TNFSF4: variants seen among roughly 807,000 people sequenced by gnomAD.
The protein encoded by TNFSF4 is TNF superfamily member 4.
In TNFSF4, 4 loss-of-function variants were observed where a neutral mutation model predicts 7.3. The observed-to-expected ratio is 0.55, with a 90% CI of 0.27 to 1.25. TNFSF4 has a LOEUF of 1.25. Ranked by LOEUF, TNFSF4 falls within the 50% of genes most tolerant of loss-of-function variation. The pLI is 0.12. For synonymous variants in TNFSF4, 76 were observed against 83.7 expected (o/e 0.91, Z 0.50); for missense variants, 181 against 208.8 (o/e 0.87, Z 0.82).
At chr1:173,204,918 C>A (rs1049208121) in intron 1 of TNFSF4, among the ~76,000 whole-genome samples, 3 of 138,322 alleles carry the variant, frequency 2.2e-5, no homozygotes, top group African/African-American at 9.8e-5. Context: ...CACACACACA[C>A]ACACAAACAC....
At chr1:173,324,056 A>G in the TNFSF4 span, among the ~76,000 whole-genome samples, 1 of 152,176 alleles carries the variant, frequency 6.6e-6, no homozygotes, top group African/African-American at 2.4e-5. Flanking sequence ...AAGACACATA[A>G]TTGTCGGATT....
the TNFSF4 span, among the ~76,000 whole-genome samples, chr1:173,355,012 C>G: frequency 1.3e-5 from 2 of 152,210 alleles, no homozygotes; most frequent in African/African-American, 4.8e-5. Flanking sequence ...AAAACCTATG[C>G]GTAGTTGGGA....
the TNFSF4 span, chr1:173,351,742 G>T: frequency 2.0e-6 from 1 of 493,846 alleles, no homozygotes; most frequent in Non-Finnish European, 3.6e-6. Context: ...CAGGTTGTAC[G>T]AGTACGAGGA....
chr1:173,205,996 C>T (rs1650171040), intron 1 of TNFSF4, among the ~76,000 whole-genome samples: 1 of 152,220 alleles, frequency 6.6e-6, no homozygotes, highest in Admixed American at 6.5e-5. Flanking sequence ...AACCCTATTT[C>T]CTGTAGGCAG....
At chr1:173,387,506 A>G in the TNFSF4 span, among the ~76,000 whole-genome samples, 1 of 152,330 alleles carries the variant, frequency 6.6e-6, no homozygotes, top group Middle Eastern at 3.4e-3. Flanking sequence ...TAAGCTATCT[A>G]GTCATAGGTA....
At chr1:173,318,208 A>G in the TNFSF4 span, among the ~76,000 whole-genome samples, 1 of 152,186 alleles carries the variant, frequency 6.6e-6, no homozygotes, top group Non-Finnish European at 1.5e-5. Context: ...TGGGAGGCCA[A>G]GGGGGGTGGA....
At chr1:173,279,012 G>A in the TNFSF4 span, among the ~76,000 whole-genome samples, 1 of 152,036 alleles carries the variant, frequency 6.6e-6, no homozygotes, top group African/African-American at 2.4e-5. Context: ...TGCCCTACTT[G>A]TCCAGTGGGC....
the TNFSF4 span, among the ~76,000 whole-genome samples, chr1:173,295,594 T>C: frequency 6.6e-6 from 1 of 151,974 alleles, no homozygotes; most frequent in African/African-American, 2.4e-5. Flanking sequence ...GAGATGCCTG[T>C]GGTGTTAGTT....
chr1:173,397,146 C>A, the TNFSF4 span, among the ~76,000 whole-genome samples: 2 of 152,208 alleles, frequency 1.3e-5, no homozygotes, highest in African/African-American at 4.8e-5. Flanking sequence ...AGGTAGTAAA[C>A]CTAGTAAATT....
chr1:173,292,246 C>T, the TNFSF4 span, among the ~76,000 whole-genome samples: 1 of 152,206 alleles, frequency 6.6e-6, no homozygotes, highest in South Asian at 2.1e-4. Context: ...AAAATACTAG[C>T]AAATCATATC....
At chr1:173,266,952 A>G in the TNFSF4 span, among the ~76,000 whole-genome samples, 1 of 152,118 alleles carries the variant, frequency 6.6e-6, no homozygotes. Flanking sequence ...TGTTATTTTT[A>G]AAACTCGTAG....
At chr1:173,231,225 C>T in the TNFSF4 span, among the ~76,000 whole-genome samples, 1 of 152,216 alleles carries the variant, frequency 6.6e-6, no homozygotes, top group Non-Finnish European at 1.5e-5. Context: ...AATCCAGCAG[C>T]ATATCAAAGA....
the TNFSF4 span, among the ~76,000 whole-genome samples, chr1:173,376,419 T>C: frequency 6.6e-6 from 1 of 152,124 alleles, no homozygotes; most frequent in Middle Eastern, 3.4e-3. Flanking sequence ...GAGGGGAACA[T>C]CACACACCAG....
At chr1:173,362,571 G>C in the TNFSF4 span, 1 of 529,218 alleles carries the variant, frequency 1.9e-6, no homozygotes, top group African/African-American at 1.9e-5. Flanking sequence ...CTCACACTAA[G>C]TTGTCTTTCA....
the TNFSF4 span, among the ~76,000 whole-genome samples, chr1:173,328,850 G>A: frequency 1.3e-5 from 2 of 151,814 alleles, no homozygotes; most frequent in African/African-American, 2.4e-5. Context: ...AGAAACTTTT[G>A]TGCTTCAGAA....
chr1:173,427,137 T>C, the TNFSF4 span, among the ~76,000 whole-genome samples: 11 of 152,284 alleles, frequency 7.2e-5, no homozygotes, highest in East Asian at 2.1e-3. Flanking sequence ...CAACAAAAAA[T>C]CAATACAATA....
the TNFSF4 span, among the ~76,000 whole-genome samples, chr1:173,337,326 G>A: frequency 6.6e-6 from 1 of 152,118 alleles, no homozygotes; most frequent in Non-Finnish European, 1.5e-5. Context: ...TCATGAATTG[G>A]CTGTTATCTG....
chr1:173,204,230 C>T (rs1258109590), intron 1 of TNFSF4, among the ~76,000 whole-genome samples: 1 of 152,092 alleles, frequency 6.6e-6, no homozygotes, highest in Non-Finnish European at 1.5e-5. Context: ...AATATATAAA[C>T]TATATACTCA....
the TNFSF4 span, among the ~76,000 whole-genome samples, chr1:173,382,904 ACACAC>A: frequency 5.1e-3 from 770 of 150,818 alleles, 7 homozygotes; most frequent in Middle Eastern, 0.02. Flanking sequence ...ACACACACAC[ACACAC>A]AAAGGTGCGT....
Sources: allele counts gnomAD v4.1 joint callset (sites outside exome capture counted in the v4.1 genomes callset), GRCh38; gene constraint gnomAD v4.1.1; transcripts MANE v1.5; gene names NCBI Gene and HGNC (gene_info 2026-07-23, HGNC 2026-07-21).